The following CACNB2 variants were observed in gnomAD, a reference collection of about 807,000 sequenced individuals.
CACNB2 encodes the protein calcium voltage-gated channel auxiliary subunit beta 2.
In CACNB2, 42 loss-of-function variants were observed where a neutral mutation model predicts 73.3. The ratio of observed to expected loss-of-function variants is 0.57; its 90% CI spans 0.45 to 0.74. The LOEUF is 0.74. Among genes scored for constraint, CACNB2 ranks in the 30% least tolerant of loss-of-function variants. The pLI is 0.00. For synonymous variants in CACNB2, 348 were observed against 310.3 expected (o/e 1.12, Z -1.28); for missense variants, 940 against 853.0 (o/e 1.10, Z -1.27).
At chr10:18,408,438 C>T (rs906224039) in intron 3 of CACNB2, among the ~76,000 whole-genome samples, 41 of 151,940 alleles carry the variant, frequency 2.7e-4, no homozygotes, top group African/African-American at 9.2e-4. Flanking sequence ...AGAGTTTCAC[C>T]ATGTTGGCCA....
intron 3 of CACNB2, among the ~76,000 whole-genome samples, chr10:18,435,376 C>G (rs1414468901): frequency 6.6e-6 from 1 of 152,168 alleles, no homozygotes; most frequent in Admixed American, 6.6e-5. Context: ...AGAAAAATTT[C>G]TGAGAGTAGG....
chr10:18,483,253 G>A (rs1419905715), intron 3 of CACNB2, among the ~76,000 whole-genome samples: 1 of 151,674 alleles, frequency 6.6e-6, no homozygotes, highest in Non-Finnish European at 1.5e-5. Flanking sequence ...AGAACAGGCT[G>A]GGCACAGTGG....
intron 3 of CACNB2, among the ~76,000 whole-genome samples, chr10:18,489,478 G>A (rs1323320737): frequency 7.8e-6 from 1 of 128,888 alleles, no homozygotes; most frequent in Non-Finnish European, 1.6e-5. Context: ...ATCTTGCAAT[G>A]TTGCCCAGGC....
chr10:18,274,270 T>A (rs1042130016), intron 2 of CACNB2, among the ~76,000 whole-genome samples: 1 of 152,150 alleles, frequency 6.6e-6, no homozygotes, highest in Non-Finnish European at 1.5e-5. Flanking sequence ...TGGAAAGGAA[T>A]AAGAAAAGTA....
At chr10:18,492,454 C>G (rs1229050543) in intron 3 of CACNB2, among the ~76,000 whole-genome samples, 2 of 151,944 alleles carry the variant, frequency 1.3e-5, no homozygotes, top group Non-Finnish European at 2.9e-5. Flanking sequence ...AACCCCGTCT[C>G]TACTAAAAAT....
intron 2 of CACNB2, among the ~76,000 whole-genome samples, chr10:18,273,923 C>T (rs2038164132): frequency 6.6e-6 from 1 of 152,078 alleles, no homozygotes; most frequent in Non-Finnish European, 1.5e-5. Context: ...CCGTTTGTTT[C>T]TTCTTGTTGT....
At chr10:18,259,798 G>T (rs144540804) in intron 2 of CACNB2, among the ~76,000 whole-genome samples, 17 of 151,914 alleles carry the variant, frequency 1.1e-4, no homozygotes, top group Admixed American at 2.0e-4. Flanking sequence ...AGCTACTTGG[G>T]AGTCGGAGGT....
At chr10:18,300,663 G>C (rs952799428) in intron 2 of CACNB2, among the ~76,000 whole-genome samples, 1 of 152,120 alleles carries the variant, frequency 6.6e-6, no homozygotes, top group East Asian at 1.9e-4. Flanking sequence ...AGCCTGGCCA[G>C]GATAGTGAAA....
At chr10:18,191,055 G>A (rs1451609322) in intron 2 of CACNB2, among the ~76,000 whole-genome samples, 1 of 152,186 alleles carries the variant, frequency 6.6e-6, no homozygotes, top group African/African-American at 2.4e-5. Flanking sequence ...AACCAGGTGC[G>A]GGACAATGAT....
At chr10:18,307,481 C>T (rs770653743) in intron 2 of CACNB2, among the ~76,000 whole-genome samples, 7 of 152,074 alleles carry the variant, frequency 4.6e-5, no homozygotes, top group African/African-American at 1.2e-4. Flanking sequence ...AATATAAATG[C>T]GATGCTTTTT....
intron 2 of CACNB2, among the ~76,000 whole-genome samples, chr10:18,214,110 G>C (rs2035421032): frequency 6.6e-6 from 1 of 152,148 alleles, no homozygotes; most frequent in Non-Finnish European, 1.5e-5. Context: ...AGGCAGGGGG[G>C]CAGTGTGTGG....
chr10:18,198,843 C>T (rs999560750), intron 2 of CACNB2, among the ~76,000 whole-genome samples: 3 of 152,154 alleles, frequency 2.0e-5, no homozygotes, highest in Non-Finnish European at 4.4e-5. Flanking sequence ...ATTGCATGAC[C>T]ACTCTAGTTT....
chr10:18,538,913 A>T (rs1434615679), intron 13 of CACNB2, among the ~76,000 whole-genome samples: 4 of 151,930 alleles, frequency 2.6e-5, no homozygotes, highest in African/African-American at 9.7e-5. Context: ...GTATAGAAAA[A>T]TCTCAGGGAC....
chr10:18,492,382 A>C (rs1327455168), intron 3 of CACNB2, among the ~76,000 whole-genome samples: 1 of 152,234 alleles, frequency 6.6e-6, no homozygotes, highest in Non-Finnish European at 1.5e-5. Flanking sequence ...GCACTTCGGG[A>C]AGCCGAGGCA....
At chr10:18,508,929 T>C (rs1468132172) in intron 6 of CACNB2, among the ~76,000 whole-genome samples, 1 of 152,196 alleles carries the variant, frequency 6.6e-6, no homozygotes, top group Non-Finnish European at 1.5e-5. Flanking sequence ...TAAAATAACA[T>C]TCCATTTTGT....
chr10:18,153,594 A>ATTTG (rs71507257), intron 2 of CACNB2, among the ~76,000 whole-genome samples: 1 of 149,392 alleles, frequency 6.7e-6, no homozygotes, highest in Non-Finnish European at 1.5e-5. Context: ...TTATTTATTT[A>ATTTG]TTTTTGAGAC....
At chr10:18,315,563 G>A (rs1188995347) in intron 2 of CACNB2, among the ~76,000 whole-genome samples, 1 of 143,570 alleles carries the variant, frequency 7.0e-6, no homozygotes, top group Non-Finnish European at 1.5e-5. Flanking sequence ...ATGCAGTGGT[G>A]CCTGCCTGTG....
chr10:18,388,327 G>A (rs1400624403), intron 2 of CACNB2, among the ~76,000 whole-genome samples: 2 of 151,996 alleles, frequency 1.3e-5, no homozygotes, highest in East Asian at 1.9e-4. Flanking sequence ...TATATCTGTG[G>A]CACATTTCCA....
chr10:18,239,497 A>G (rs568659972), intron 2 of CACNB2, among the ~76,000 whole-genome samples: 21 of 152,292 alleles, frequency 1.4e-4, no homozygotes, highest in African/African-American at 4.8e-4. Flanking sequence ...GTTGGGTAGT[A>G]TTCCCTGGTG....
Sources: gnomAD v4.1 joint callset for allele counts (sites outside exome capture counted in the v4.1 genomes callset) on GRCh38, gnomAD v4.1.1 for gene constraint, MANE v1.5 for transcripts, NCBI Gene and HGNC (gene_info 2026-07-23, HGNC 2026-07-21) for gene names.